The following ME3 variants were observed in gnomAD, a reference collection of about 807,000 sequenced individuals.
ME3 encodes the protein malic enzyme 3.
A neutral mutation model predicts 68.9 loss-of-function variants in ME3; 48 were observed. The observed-to-expected ratio is 0.70, with a 90% confidence interval of 0.55 to 0.89. ME3 has a LOEUF of 0.89. ME3 is among the 40% of genes least tolerant of loss of function. The pLI, the probability that ME3 is intolerant of heterozygous loss-of-function variation, is 0.00. For synonymous variants in ME3, 320 were observed against 318.8 expected (o/e 1.00, Z -0.04); for missense variants, 675 against 797.4 (o/e 0.85, Z 1.85).
At chr11:86,475,912 G>GAGAGAGAGAGAGAA (rs1951060317) in intron 7 of ME3, among the ~76,000 whole-genome samples, 1 of 149,292 alleles carries the variant, frequency 6.7e-6, no homozygotes, top group Non-Finnish European at 1.5e-5. Context: ...AAGAGAAAGA[G>GAGAGAGAGAGAGAA]AGAGAGAGAG....
chr11:86,609,218 A>G (rs1942383246), intron 2 of ME3, among the ~76,000 whole-genome samples: 1 of 152,216 alleles, frequency 6.6e-6, no homozygotes, highest in South Asian at 2.1e-4. Flanking sequence ...GGACTCAGCA[A>G]GATTAATGAG....
At chr11:86,603,993 C>T (rs1445506327) in intron 2 of ME3, among the ~76,000 whole-genome samples, 1 of 147,946 alleles carries the variant, frequency 6.8e-6, no homozygotes, top group Non-Finnish European at 1.5e-5. Context: ...ATGCCTAATG[C>T]TAAATGATGA....
chr11:86,512,397 G>A (rs554025179), intron 4 of ME3, among the ~76,000 whole-genome samples: 2 of 152,330 alleles, frequency 1.3e-5, no homozygotes, highest in Admixed American at 6.5e-5. Flanking sequence ...GAACTTCAGA[G>A]GGCAAAGTGT....
chr11:86,647,550 A>G (rs558621027), intron 2 of ME3, among the ~76,000 whole-genome samples: 1 of 152,192 alleles, frequency 6.6e-6, no homozygotes, highest in African/African-American at 2.4e-5. Flanking sequence ...GAATAAAGGG[A>G]TGGAGGAAGA....
chr11:86,537,255 G>C (rs1292708675), intron 4 of ME3, among the ~76,000 whole-genome samples: 1 of 151,022 alleles, frequency 6.6e-6, no homozygotes, highest in Admixed American at 6.6e-5. Flanking sequence ...CCTGCACAAT[G>C]TGCACATGTA....
At chr11:86,526,044 C>G (rs867947877) in intron 4 of ME3, among the ~76,000 whole-genome samples, 3 of 152,122 alleles carry the variant, frequency 2.0e-5, no homozygotes, top group Non-Finnish European at 4.4e-5. Flanking sequence ...TGCAGCGCAC[C>G]GAGCATGAGC....
At chr11:86,541,341 T>G (rs1474348253) in intron 4 of ME3, among the ~76,000 whole-genome samples, 6 of 151,896 alleles carry the variant, frequency 4.0e-5, no homozygotes, top group Admixed American at 3.3e-4. Context: ...GGGAGCCAAG[T>G]GGTCTAGCTC....
Position 86,449,947 on chromosome 11 carries a change from G to A in ME3, c.1073C>T (p.Pro358Leu), listed in dbSNP as rs141023220. Residue 358 changes from proline (P) to leucine (L), a missense_variant, in exon 10 of 15, where the codon CCG becomes CTG. By Grantham distance (98) the Pro-to-Leu change is moderately conservative. Coordinates refer to ENST00000543262, the Ensembl canonical transcript of ME3. The stretch of plus-strand genomic sequence containing the variant: ...GATCTTTCTTGTGGCCTCTGCCTTC[G>A]GTACACCTTCTTTCTCTAGGGCCAT... The A allele has an allele frequency of 2.7e-5, 44 of 1,613,854 alleles. No homozygotes were observed. The highest frequency in any genetic ancestry group is 1.5e-4 in the Admixed American group (9 of 59,974).
At chr11:86,437,850 G>A (rs1206320971), downstream of ME3, among the ~76,000 whole-genome samples, 1 of 93,586 alleles carries the variant, frequency 1.1e-5, no homozygotes, top group Non-Finnish European at 2.2e-5. Context: ...GAGAGAGAGA[G>A]GAGAGAGAGA....
chr11:86,626,435 C>T (rs1943668761), intron 2 of ME3, among the ~76,000 whole-genome samples: 1 of 152,198 alleles, frequency 6.6e-6, no homozygotes. Flanking sequence ...AAACCAGCCT[C>T]ATTGCACCCC....
At chr11:86,552,925 G>A (rs1256888911) in intron 4 of ME3, among the ~76,000 whole-genome samples, 1 of 152,182 alleles carries the variant, frequency 6.6e-6, no homozygotes, top group African/African-American at 2.4e-5. Context: ...ATGTGGCCTG[G>A]GAGAGGGAGA....
intron 2 of ME3, among the ~76,000 whole-genome samples, chr11:86,642,295 G>A (rs1417670724): frequency 6.6e-6 from 1 of 152,174 alleles, no homozygotes; most frequent in Non-Finnish European, 1.5e-5. Flanking sequence ...GCCCTTACAG[G>A]TGTGAAAATA....
intron 2 of ME3, among the ~76,000 whole-genome samples, chr11:86,633,024 A>T (rs1317951982): frequency 6.6e-6 from 1 of 152,168 alleles, no homozygotes; most frequent in Non-Finnish European, 1.5e-5. Flanking sequence ...CAGAGTCAGG[A>T]TGTTGAGGGT....
At position 86,455,048 on chromosome 11, in the gene ME3, T is replaced by C. The variant is rs139578515; in HGVS notation, c.920-4650A>G. ...GGATCATACTTCTCAGAAGATGGGGTGCAGGCACCCCTGTCTTCACACAGC... is the reference window on the plus strand; with the variant it reads ...GGATCATACTTCTCAGAAGATGGGGCGCAGGCACCCCTGTCTTCACACAGC... On this transcript the variant is annotated intron_variant, in intron 8 of 14. Transcript: ENST00000543262. 5.2e-3 allele frequency among the ~76,000 whole-genome samples: 790 copies of C among 152,288 alleles called. 9 individuals carry two copies. Among genetic ancestry groups the C allele is most frequent in the Middle Eastern group, 0.02 (6 of 294 alleles).
At chr11:86,597,587 C>T (rs1374552721) in intron 2 of ME3, among the ~76,000 whole-genome samples, 1 of 152,228 alleles carries the variant, frequency 6.6e-6, no homozygotes, top group East Asian at 1.9e-4. Flanking sequence ...CAGCTTTAGA[C>T]ACAGCATGAC....
At chr11:86,506,461 T>C (rs542873133) in intron 5 of ME3, among the ~76,000 whole-genome samples, 1 of 152,304 alleles carries the variant, frequency 6.6e-6, no homozygotes, top group African/African-American at 2.4e-5. Flanking sequence ...AGCAAGGCCC[T>C]TGATACAGTT....
intron 6 of ME3, among the ~76,000 whole-genome samples, chr11:86,493,060 T>A (rs2138977354): frequency 6.6e-6 from 1 of 152,262 alleles, no homozygotes; most frequent in South Asian, 2.1e-4. Context: ...GGCATCCTCA[T>A]GGGTTACACG....
At chr11:86,443,344 C>T (rs1023247954) in intron 13 of ME3, among the ~76,000 whole-genome samples, 2 of 152,192 alleles carry the variant, frequency 1.3e-5, no homozygotes, top group African/African-American at 4.8e-5. Flanking sequence ...TCTTTGTGTT[C>T]AGTCTCCTGG....
intron 4 of ME3, among the ~76,000 whole-genome samples, chr11:86,509,367 A>G (rs1381525171): frequency 6.6e-6 from 1 of 151,342 alleles, no homozygotes; most frequent in Admixed American, 6.6e-5. Context: ...ATGGGAAGAG[A>G]GGTTAGTGAC....
Sources: allele counts gnomAD v4.1 joint callset (sites outside exome capture counted in the v4.1 genomes callset), GRCh38; gene constraint gnomAD v4.1.1; transcripts MANE v1.5; gene names NCBI Gene and HGNC (gene_info 2026-07-23, HGNC 2026-07-21).